MEP1A: variants seen among roughly 807,000 people sequenced by gnomAD.
The protein encoded by MEP1A is meprin A subunit alpha, also known as N-benzoyl-L-tyrosyl-P-amino-benzoic acid hydrolase subunit alpha.
Under a neutral mutation model 84.5 loss-of-function variants are expected in MEP1A, and 68 were observed. The observed-to-expected ratio is 0.80, with a 90% CI of 0.66 to 0.98. The LOEUF is 0.98. Ranked by LOEUF, MEP1A falls within the 50% of genes least tolerant of loss-of-function variation. The probability of loss-of-function intolerance (pLI) is 0.00; values close to 1 mark genes in which losing one functional copy is unlikely to be tolerated. For missense variants in MEP1A, 887 were observed against 919.9 expected (o/e 0.96, Z 0.46); for synonymous variants, 337 against 336.8 (o/e 1.00, Z -0.01).
At chr6:46,811,967 A>C (rs1484297823) in intron 6 of MEP1A, among the ~76,000 whole-genome samples, 3 of 152,066 alleles carry the variant, frequency 2.0e-5, no homozygotes, top group Admixed American at 6.6e-5. Context: ...TTTGGGTATT[A>C]AGGAGATACT....
chr6:46,809,374 C>A, intron 5 of MEP1A, 46 bp from the exon 6 acceptor site: 1 of 1,200,702 alleles, frequency 8.3e-7, no homozygotes, highest in Non-Finnish European at 1.2e-6. Flanking sequence ...TAGATATTAT[C>A]TAAGGTCCAA....
At chr6:46,800,236 C>A (rs924597075) in intron 5 of MEP1A, among the ~76,000 whole-genome samples, 4 of 152,198 alleles carry the variant, frequency 2.6e-5, no homozygotes, top group Non-Finnish European at 5.9e-5. Context: ...ATCTGCACCA[C>A]CCTATTATGT....
At chr6:46,806,809 A>T (rs997801642) in intron 5 of MEP1A, among the ~76,000 whole-genome samples, 1 of 151,998 alleles carries the variant, frequency 6.6e-6, no homozygotes, top group Non-Finnish European at 1.5e-5. Context: ...ATGTTAAGAA[A>T]ATGCAACTGT....
At chr6:46,816,551 G>A (rs1311768276) in intron 6 of MEP1A, among the ~76,000 whole-genome samples, 1 of 151,802 alleles carries the variant, frequency 6.6e-6, no homozygotes, top group Admixed American at 6.6e-5. Flanking sequence ...AGGGAGAGAG[G>A]GAAAGGGTGA....
At chr6:46,810,715 G>C (rs1273556932) in intron 6 of MEP1A, among the ~76,000 whole-genome samples, 1 of 151,982 alleles carries the variant, frequency 6.6e-6, no homozygotes, top group African/African-American at 2.4e-5. Context: ...ACCGTTTATT[G>C]AATAGGATGT....
downstream of MEP1A, among the ~76,000 whole-genome samples, chr6:46,843,480 A>G (rs1407730040): frequency 6.6e-6 from 1 of 152,234 alleles, no homozygotes; most frequent in East Asian, 1.9e-4. Context: ...TATTTTAAGC[A>G]TCCTTTATAC....
rs148717509 is a variant in MEP1A at position 46,831,382 on chromosome 6, A to G, written c.1145-1692A>G. Among the ~76,000 whole-genome samples, 388 of 152,330 alleles carry G rather than the reference A, an allele frequency of 2.5e-3. 3 individuals carry two copies. The highest frequency in any genetic ancestry group is 8.1e-3 in the African/African-American group (335 of 41,568). On this transcript the variant is annotated intron_variant, in intron 10 of 13. Transcript: ENST00000230588. ...ACTTACATGAAAAATGTTGGCATAC[A>G]ACTATGTGTATGTACACACACATGC...
At position 46,825,401 on chromosome 6, in the gene MEP1A, C is replaced by A. The variant is rs767337393; in HGVS notation, c.686C>A (p.Thr229Lys). ...AAGAATGCAAGTGTTCCCACCATCA[C>A]AGCCAAGATCCCTGAGTTTAACTCC... ...FNKNASVPTI[T>K]AKIPEFNSII... The change falls in exon 8 of 14, where the codon ACA becomes AAA. Residue 229 changes from threonine (T) to lysine (K), a missense_variant. Coordinates refer to ENST00000230588, the MANE Select transcript of MEP1A (RefSeq NM_005588.3). 10 of 1,613,658 alleles carry A rather than the reference C, an allele frequency of 6.2e-6. No individual in the cohort carries two copies. The highest frequency in any genetic ancestry group is 1.7e-5 in the Admixed American group (1 of 59,982).
intron 6 of MEP1A, 64 bp downstream of exon 6, chr6:46,809,601 C>A: frequency 9.6e-7 from 1 of 1,042,648 alleles, no homozygotes; most frequent in Non-Finnish European, 1.5e-6. Flanking sequence ...GTATTCTTTC[C>A]CCGAGTCCCC....
intron 12 of MEP1A, 112 bp downstream of exon 12, chr6:46,834,863 G>GATTCTCCTACAACACA: frequency 1.3e-6 from 1 of 755,742 alleles, no homozygotes; most frequent in Non-Finnish European, 2.1e-6. Flanking sequence ...AAAACAATGT[G>GATTCTCCTACAACACA]TTGTAGGAGA....
chr6:46,799,031 G>A, intron 4 of MEP1A, 75 bp from the exon 5 acceptor site: 1 of 880,610 alleles, frequency 1.1e-6, no homozygotes. Flanking sequence ...TGCTCTGTGA[G>A]AGTTTAGTGA....
At chr6:46,793,855 A>G (rs1766989670) in intron 3 of MEP1A, 139 bp downstream of exon 3, 5 of 642,452 alleles carry the variant, frequency 7.8e-6, no homozygotes, top group Non-Finnish European at 1.3e-5. Flanking sequence ...GAGAAATTGC[A>G]TTTTCTGAAA....
chr6:46,798,924 C>A (rs192018376), intron 4 of MEP1A, among the ~76,000 whole-genome samples, 182 bp from the exon 5 acceptor site: 8 of 152,300 alleles, frequency 5.3e-5, no homozygotes, highest in Admixed American at 5.2e-4. Flanking sequence ...TTAATAATTT[C>A]TCTGATTTTT....
At chr6:46,828,786 G>C (rs989800530) in intron 9 of MEP1A, among the ~76,000 whole-genome samples, 2 of 152,056 alleles carry the variant, frequency 1.3e-5, no homozygotes. Flanking sequence ...TTTACATTCA[G>C]GGGAAATTTC....
the MEP1A span, among the ~76,000 whole-genome samples, chr6:46,845,075 G>A: frequency 2.0e-5 from 3 of 152,172 alleles, no homozygotes; most frequent in African/African-American, 7.2e-5. Flanking sequence ...GGCTTCCCCA[G>A]CCTTGCAGAA....
At chr6:46,830,259 A>G (rs1163281058) in intron 10 of MEP1A, among the ~76,000 whole-genome samples, 32 of 149,050 alleles carry the variant, frequency 2.1e-4, no homozygotes, top group African/African-American at 7.1e-4. Flanking sequence ...AAAAAAAAAA[A>G]AAAAAAAAAA....
chr6:46,807,261 G>A (rs192020191), intron 5 of MEP1A, among the ~76,000 whole-genome samples: 1 of 151,904 alleles, frequency 6.6e-6, no homozygotes, highest in South Asian at 2.1e-4. Context: ...TAACTTGTTT[G>A]ACACAGAACT....
chr6:46,807,770 G>GGAAA (rs545795578), intron 5 of MEP1A, among the ~76,000 whole-genome samples: 2,236 of 97,266 alleles, frequency 0.023, 69 homozygotes, highest in Middle Eastern at 0.048. Flanking sequence ...AAGGGAGAAA[G>GGAAA]GAAAGAAAGA....
intron 9 of MEP1A, among the ~76,000 whole-genome samples, chr6:46,827,360 C>A (rs557697113): frequency 4.6e-5 from 7 of 152,342 alleles, no homozygotes; most frequent in Admixed American, 4.6e-4. Flanking sequence ...TGCAGACCAG[C>A]AGCTTCACTC....
Sources: allele counts gnomAD v4.1 joint callset (sites outside exome capture counted in the v4.1 genomes callset), GRCh38; gene constraint gnomAD v4.1.1; transcripts MANE v1.5; gene names NCBI Gene and HGNC (gene_info 2026-07-23, HGNC 2026-07-21).